The following UBL3 variants were observed in gnomAD, a reference collection of about 807,000 sequenced individuals.
The protein encoded by UBL3 is ubiquitin like 3.
In UBL3, 6 loss-of-function variants were observed where a neutral mutation model predicts 18.4. The observed-to-expected ratio is 0.33, with a 90% confidence interval of 0.18 to 0.64. The LOEUF is 0.64. UBL3 is among the 30% of genes least tolerant of loss of function. The probability of loss-of-function intolerance (pLI) is 0.76; values close to 1 mark genes in which losing one functional copy is unlikely to be tolerated. For synonymous variants in UBL3, 49 were observed against 46.6 expected (o/e 1.05, Z -0.21); for missense variants, 109 against 142.9 (o/e 0.76, Z 1.21).
At position 29,766,015 on chromosome 13, in the gene UBL3, T is replaced by A. The variant is rs1431028404; in HGVS notation, c.*1240A>T. On this transcript the variant is annotated 3_prime_UTR_variant, in exon 5 of 5. Coordinates refer to ENST00000380680, the MANE Select transcript of UBL3 (RefSeq NM_007106.4). ...GTAGTTAGGTATTTTATAAGTCTTT[T>A]ATTAAATATATTCTACACATATTTG... 3 of 152,662 alleles carry A rather than the reference T, an allele frequency of 2.0e-5. No homozygotes were observed. In the East Asian group the frequency reaches 5.8e-4, roughly 29 times the overall value. 9.5% of individuals were successfully genotyped at this position (152,662 alleles called of 1,614,324 possible). A position where few individuals can be genotyped will look rare whatever the true frequency, so the allele number is the denominator to read the frequency against.
intron 2 of UBL3, among the ~76,000 whole-genome samples, chr13:29,775,215 A>C (rs1287203277): frequency 6.6e-6 from 1 of 152,168 alleles, no homozygotes; most frequent in Non-Finnish European, 1.5e-5. Context: ...TCAGAGTTAT[A>C]TTTGCATTTT....
At chr13:29,771,552 C>A (rs1876841061) in intron 3 of UBL3, among the ~76,000 whole-genome samples, 1 of 152,162 alleles carries the variant, frequency 6.6e-6, no homozygotes, top group South Asian at 2.1e-4. Context: ...GAAACTGGAA[C>A]ACAGGTTGGT....
chr13:29,829,624 C>A (rs569329925), intron 1 of UBL3, among the ~76,000 whole-genome samples: 15 of 152,286 alleles, frequency 9.8e-5, no homozygotes, highest in African/African-American at 2.9e-4. Flanking sequence ...ATTCCTTGAC[C>A]CCTTGCACTT....
rs1228009270 is a variant in UBL3, at chr13:29,766,388, A to G, written c.*867T>C. On this transcript the variant is annotated 3_prime_UTR_variant, in exon 5 of 5. Coordinates refer to ENST00000380680, the MANE Select transcript of UBL3 (RefSeq NM_007106.4). Reference sequence around the variant, plus strand: ...TTACAAATTAATGATAATTATGGAAAATTTCAATTTGCTGATATTCAAATA... The same window carrying G: ...TTACAAATTAATGATAATTATGGAAGATTTCAATTTGCTGATATTCAAATA... 2 of 152,534 alleles carry G rather than the reference A, an allele frequency of 1.3e-5. No individual in the cohort carries two copies. The highest frequency in any genetic ancestry group is 2.9e-5 in the Non-Finnish European group (2 of 67,992). The allele number at this position is 152,534 out of a possible 1,614,324, so 9.4% of individuals were successfully genotyped here. A position where few individuals can be genotyped will look rare whatever the true frequency, so the allele number is the denominator to read the frequency against.
At chr13:29,795,634 C>A (rs1877588791) in intron 1 of UBL3, among the ~76,000 whole-genome samples, 1 of 151,590 alleles carries the variant, frequency 6.6e-6, no homozygotes, top group South Asian at 2.1e-4. Flanking sequence ...CTCACTGCAA[C>A]CCTAAGGAGA....
At chr13:29,829,651 C>T (rs924876869) in intron 1 of UBL3, among the ~76,000 whole-genome samples, 2 of 152,298 alleles carry the variant, frequency 1.3e-5, no homozygotes, top group African/African-American at 2.4e-5. Flanking sequence ...TGAGGTGATG[C>T]CTCGCCCTGC....
In UBL3 at chr13:29,850,240, C is replaced by G. The variant is rs1879337875; in HGVS notation, c.-702G>C. ...CCGACAGCGCGGGGGTGCTCGGGGC[C>G]GGCCGGGACACTCCACAGCCCCTCT... On this transcript the variant is annotated 5_prime_UTR_variant, in exon 1 of 5. Transcript: ENST00000380680. The G allele has an allele frequency of 1.3e-5, 2 of 152,934 alleles. No individual in the cohort carries two copies. The highest frequency in any genetic ancestry group is 2.9e-5 in the Non-Finnish European group (2 of 68,456). The allele number at this position is 152,934 out of a possible 1,614,324, so 9.5% of individuals were successfully genotyped here. A position where few individuals can be genotyped will look rare whatever the true frequency, so the allele number is the denominator to read the frequency against.
At chr13:29,787,674 A>G (rs1415533350) in intron 1 of UBL3, among the ~76,000 whole-genome samples, 4 of 152,150 alleles carry the variant, frequency 2.6e-5, no homozygotes, top group African/African-American at 9.7e-5. Context: ...TATACATACT[A>G]TTAACTTAAA....
At chr13:29,789,844 G>A (rs7330356) in intron 1 of UBL3, among the ~76,000 whole-genome samples, 89,338 of 152,016 alleles carry the variant, frequency 0.59, 27,031 homozygotes, top group Non-Finnish European at 0.66. Context: ...CTTATTGTTC[G>A]GGGGAATGTA....
chr13:29,849,398 A>C, intron 1 of UBL3, 114 bp downstream of exon 1: 1 of 1,436,800 alleles, frequency 7.0e-7, no homozygotes, highest in Non-Finnish European at 9.7e-7. Flanking sequence ...ATCGCTCAGC[A>C]CAGTGGCTTT....
At chr13:29,843,351 T>A (rs1879153603) in intron 1 of UBL3, among the ~76,000 whole-genome samples, 1 of 152,200 alleles carries the variant, frequency 6.6e-6, no homozygotes, top group Non-Finnish European at 1.5e-5. Context: ...AATCTTTCAA[T>A]CACTAAAAAT....
At chr13:29,795,122 T>C (rs1205680903) in intron 1 of UBL3, among the ~76,000 whole-genome samples, 4 of 152,232 alleles carry the variant, frequency 2.6e-5, no homozygotes, top group Admixed American at 2.6e-4. Flanking sequence ...CATATATTCA[T>C]ACATAAACTT....
intron 1 of UBL3, among the ~76,000 whole-genome samples, chr13:29,791,107 C>G (rs1475732276): frequency 6.6e-6 from 1 of 152,140 alleles, no homozygotes; most frequent in Non-Finnish European, 1.5e-5. Flanking sequence ...TCTTTCCTGA[C>G]TTATTTATTT....
Position 29,849,654 on chromosome 13 carries a change from C to G in UBL3, c.-116G>C. On this transcript the variant is annotated 5_prime_UTR_variant, in exon 1 of 5. Coordinates refer to ENST00000380680, the MANE Select transcript of UBL3 (RefSeq NM_007106.4). Reference sequence around the variant, plus strand: ...TTTTGACTGGTTCGTGATGTGCTTTCTCCCCCAAAAATAAAGTTATTTTGG... The same window carrying G: ...TTTTGACTGGTTCGTGATGTGCTTTGTCCCCCAAAAATAAAGTTATTTTGG... The G allele has an allele frequency of 7.4e-7, 1 of 1,359,146 alleles. No homozygotes were observed. The highest frequency in any genetic ancestry group is 1.0e-6 in the Non-Finnish European group (1 of 972,930). The allele number at this position is 1,359,146 out of a possible 1,614,324, so 84.2% of individuals were successfully genotyped here.
intron 1 of UBL3, among the ~76,000 whole-genome samples, chr13:29,831,423 C>G (rs1321753549): frequency 1.3e-5 from 2 of 151,928 alleles, no homozygotes; most frequent in African/African-American, 4.8e-5. Context: ...AAACCCGTCT[C>G]TACTAAAAAT....
chr13:29,810,536 T>C lies in UBL3; in HGVS notation c.28-33273A>G, dbSNP rs191173546. 3.5e-3 allele frequency among the ~76,000 whole-genome samples: 527 copies of C among 152,272 alleles called. 1 individual carries two copies. Among genetic ancestry groups the C allele is most frequent in the African/African-American group, 0.012 (503 of 41,580 alleles). Reference sequence around the variant, plus strand: ...CCAGATGCTGTACTGTTTTAAGTGCTGCTGAGAGGCCAAGTAAGATGAAGA... The same window carrying C: ...CCAGATGCTGTACTGTTTTAAGTGCCGCTGAGAGGCCAAGTAAGATGAAGA... On this transcript the variant is annotated intron_variant, in intron 1 of 4. Transcript: ENST00000380680.
chr13:29,836,221 C>G (rs1878958298), intron 1 of UBL3, among the ~76,000 whole-genome samples: 1 of 152,096 alleles, frequency 6.6e-6, no homozygotes, highest in South Asian at 2.1e-4. Flanking sequence ...AGACGTCTGA[C>G]TTAAGCAACT....
At chr13:29,844,019 G>C (rs1879173000) in intron 1 of UBL3, among the ~76,000 whole-genome samples, 1 of 152,148 alleles carries the variant, frequency 6.6e-6, no homozygotes, top group South Asian at 2.1e-4. Flanking sequence ...GCAAACCTCT[G>C]TTCCCCATCT....
At chr13:29,845,379 T>A (rs933810208) in intron 1 of UBL3, among the ~76,000 whole-genome samples, 6 of 152,004 alleles carry the variant, frequency 3.9e-5, no homozygotes, top group African/African-American at 1.2e-4. Context: ...TTTGGCTTTA[T>A]AAAACCCTCC....
Sources: gnomAD v4.1 joint callset for allele counts (sites outside exome capture counted in the v4.1 genomes callset) on GRCh38, gnomAD v4.1.1 for gene constraint, MANE v1.5 for transcripts, NCBI Gene and HGNC (gene_info 2026-07-23, HGNC 2026-07-21) for gene names.